Variants in RELN observed in about 807,000 individuals in gnomAD.
RELN encodes reelin.
In RELN, 108 loss-of-function variants were observed where a neutral mutation model predicts 427.6. The observed-to-expected ratio is 0.25, with a 90% CI of 0.22 to 0.30. The LOEUF is 0.30. Ranked by LOEUF, RELN falls within the 10% of genes least tolerant of loss-of-function variation. The pLI, the probability that RELN is intolerant of heterozygous loss-of-function variation, is 1.00. For missense variants in RELN, 3,715 were observed against 4,302.8 expected (o/e 0.86, Z 3.82); for synonymous variants, 1,524 against 1,513.4 (o/e 1.01, Z -0.16).
intron 60 of RELN, among the ~76,000 whole-genome samples, 167 bp downstream of exon 60, chr7:103,489,575 C>A (rs1191167127): frequency 6.6e-6 from 1 of 152,154 alleles, no homozygotes; most frequent in East Asian, 1.9e-4. Context: ...TAAATCTATG[C>A]TTAATAATTT....
chr7:103,533,202 C>T (rs1829978127), intron 46 of RELN, among the ~76,000 whole-genome samples: 1 of 152,216 alleles, frequency 6.6e-6, no homozygotes, highest in South Asian at 2.1e-4. Flanking sequence ...GTGACATGGT[C>T]ACAGTCATTC....
In RELN at chr7:103,955,256, C is replaced by T. The variant is rs61431560; in HGVS notation, c.226+33875G>A. On this transcript the variant is annotated intron_variant, in intron 1 of 64. Transcript: ENST00000428762. ...CCCCAATTTAATAAACTGAAACCCACTCAATGACATACAAAATGTTTCTCA... is the reference window on the plus strand; with the variant it reads ...CCCCAATTTAATAAACTGAAACCCATTCAATGACATACAAAATGTTTCTCA... Among the ~76,000 whole-genome samples the T allele has an allele frequency of 9.2e-4, 140 of 152,324 alleles. 2 individuals are homozygous for T. The East Asian group carries it at 0.023, about 25-fold the overall frequency.
At chr7:103,863,487 C>G (rs1355124407) in intron 2 of RELN, among the ~76,000 whole-genome samples, 2 of 152,174 alleles carry the variant, frequency 1.3e-5, no homozygotes, top group East Asian at 1.9e-4. Flanking sequence ...TTCCAAAAAT[C>G]CTGTATCCCT....
intron 11 of RELN, among the ~76,000 whole-genome samples, 154 bp downstream of exon 11, chr7:103,681,962 T>C (rs112532780): frequency 7.0e-4 from 106 of 152,336 alleles, no homozygotes; most frequent in African/African-American, 2.4e-3. Flanking sequence ...TTAGAATCTT[T>C]AGGGTAAGTG....
At chr7:103,723,255 G>A (rs898122856) in intron 7 of RELN, 64 bp from the exon 8 acceptor site, 18 of 976,462 alleles carry the variant, frequency 1.8e-5, no homozygotes, top group African/African-American at 9.7e-5. Flanking sequence ...GAAAGATGCT[G>A]GGAGGGGTAC....
intron 31 of RELN, 52 bp downstream of exon 31, chr7:103,572,132 G>A: frequency 9.7e-7 from 1 of 1,027,598 alleles, no homozygotes; most frequent in Non-Finnish European, 1.6e-6. Context: ...GGAGGATAAA[G>A]GACTAATCTG....
chr7:103,651,275 A>G (rs1189675596), intron 15 of RELN, among the ~76,000 whole-genome samples: 1 of 152,090 alleles, frequency 6.6e-6, no homozygotes, highest in Admixed American at 6.6e-5. Context: ...AAAAAAGTGG[A>G]AAGTCAGGGA....
rs181177432 is a variant in RELN, at chr7:103,649,005, A to G, written c.2002+1269T>C. ...CTTTTGGTGGGAATTTAAATTAGTA[A>G]AACCTCTGGAAAACAGTATAGATAT... On this transcript the variant is annotated intron_variant, in intron 16 of 64. Coordinates refer to ENST00000428762, the MANE Select transcript of RELN (RefSeq NM_005045.4). Among the ~76,000 whole-genome samples, 106 of 152,136 alleles carry G rather than the reference A, an allele frequency of 7.0e-4. 1 individual carries two copies. The highest frequency in any genetic ancestry group is 2.3e-3 in the African/African-American group (95 of 41,538).
At chr7:103,559,510 C>T (rs1830595706) in intron 36 of RELN, among the ~76,000 whole-genome samples, 1 of 152,144 alleles carries the variant, frequency 6.6e-6, no homozygotes, top group Non-Finnish European at 1.5e-5. Flanking sequence ...CATGCATCTT[C>T]TTCATTTCTT....
At chr7:103,632,294 G>A (rs1051611790) in intron 19 of RELN, among the ~76,000 whole-genome samples, 13 of 152,122 alleles carry the variant, frequency 8.5e-5, no homozygotes, top group African/African-American at 3.1e-4. Context: ...TATGGCAAGG[G>A]CCAGAAATTT....
At chr7:103,538,447 G>A (rs1026676192) in intron 45 of RELN, among the ~76,000 whole-genome samples, 3 of 152,162 alleles carry the variant, frequency 2.0e-5, no homozygotes, top group African/African-American at 7.2e-5. Context: ...GGGTCTGTGT[G>A]AGTGCATGGT....
At position 103,561,810 on chromosome 7, in the gene RELN, T is replaced by C. The variant is rs6967725; in HGVS notation, c.5351+3A>G. 5.8e-3 allele frequency: 9,367 copies of C among 1,613,812 alleles called. 468 individuals carry two copies. The African/African-American group carries it at 0.11, about 19-fold the overall frequency. On this transcript the variant is annotated splice_donor_region_variant and intron_variant, in intron 35 of 64. Transcript: ENST00000428762. ...AAAGAAACTGTCAGTTTTATTAACT[T>C]ACACACAGCGTCCAGCATCACAAAT...
intron 41 of RELN, among the ~76,000 whole-genome samples, chr7:103,549,727 CTT>C (rs1468687658): frequency 6.6e-5 from 10 of 152,232 alleles, no homozygotes; most frequent in Admixed American, 6.5e-4. Context: ...GTCCCCCACA[CTT>C]TCTGAGTGAA....
At chr7:103,558,307 C>T (rs899182800) in intron 36 of RELN, among the ~76,000 whole-genome samples, 14 of 152,064 alleles carry the variant, frequency 9.2e-5, no homozygotes, top group Admixed American at 1.3e-4. Flanking sequence ...TTCTAAAAAG[C>T]GGTGCAAAAA....
At chr7:103,631,312 G>C (rs200740178) in intron 19 of RELN, among the ~76,000 whole-genome samples, 1 of 17,898 alleles carries the variant, frequency 5.6e-5, no homozygotes, top group Admixed American at 5.1e-4. Context: ...TTTTTTTTTT[G>C]AGATGGAGTC....
intron 2 of RELN, among the ~76,000 whole-genome samples, chr7:103,836,130 T>C (rs1486299145): frequency 6.6e-6 from 1 of 150,934 alleles, no homozygotes; most frequent in Non-Finnish European, 1.5e-5. Flanking sequence ...AGCCAGCTAA[T>C]TTTTTTTTGT....
At chr7:103,522,333 G>C in intron 47 of RELN, 134 bp from the exon 48 acceptor site, 1 of 802,022 alleles carries the variant, frequency 1.2e-6, no homozygotes, top group Non-Finnish European at 2.1e-6. Context: ...GAGCTTGCCA[G>C]AATACACCTG....
At chr7:103,617,317 A>C (rs1285046984) in intron 20 of RELN, among the ~76,000 whole-genome samples, 1 of 152,072 alleles carries the variant, frequency 6.6e-6, no homozygotes, top group Non-Finnish European at 1.5e-5. Flanking sequence ...ATTTGTTGTA[A>C]TGTTTTGTTT....
At chr7:103,831,511 TG>T in intron 3 of RELN, among the ~76,000 whole-genome samples, 1 of 152,260 alleles carries the variant, frequency 6.6e-6, no homozygotes. Context: ...ATAAGAAAAA[TG>T]TGACTATACG....
Sources: gnomAD v4.1 joint callset for allele counts (sites outside exome capture counted in the v4.1 genomes callset) on GRCh38, gnomAD v4.1.1 for gene constraint, MANE v1.5 for transcripts, NCBI Gene and HGNC (gene_info 2026-07-23, HGNC 2026-07-21) for gene names.